BTG1: variants seen among roughly 807,000 people sequenced by gnomAD.
BTG1 encodes the protein protein BTG1.
A neutral mutation model predicts 15.2 loss-of-function variants in BTG1; 2 were observed. The observed-to-expected ratio is 0.13, with a 90% CI of 0.05 to 0.41. BTG1 has a LOEUF of 0.41. BTG1 is among the 10% of genes least tolerant of loss of function. The pLI is 0.99. For missense variants in BTG1, 149 were observed against 215.0 expected (o/e 0.69, Z 1.92); for synonymous variants, 109 against 82.4 (o/e 1.32, Z -1.75).
chr12:92,141,393 T>C lies in BTG1; in HGVS notation c.*2687A>G, dbSNP rs1398098828. On this transcript the variant is annotated 3_prime_UTR_variant, in exon 2 of 2. Coordinates refer to ENST00000256015, the MANE Select transcript of BTG1 (RefSeq NM_001731.3). ...GGGTAACTCTTGCTATACAATCCACTTGAAGCCTTGTTTCAACATTACAGA... is the reference window on the plus strand; with the variant it reads ...GGGTAACTCTTGCTATACAATCCACCTGAAGCCTTGTTTCAACATTACAGA... 8.6e-6 allele frequency: 2 copies of C among 232,100 alleles called. No individual in the cohort carries two copies. The highest frequency in any genetic ancestry group is 1.7e-5 in the Non-Finnish European group (2 of 117,422). 14.4% of individuals were successfully genotyped at this position (232,100 alleles called of 1,614,324 possible).
chr12:92,144,699 C>G (rs958709852), intron 1 of BTG1, among the ~76,000 whole-genome samples: 14 of 152,196 alleles, frequency 9.2e-5, no homozygotes, highest in Non-Finnish European at 1.8e-4. Flanking sequence ...AGGAATCAGG[C>G]GCGCAGCCTC....
Position 92,142,669 on chromosome 12 carries a change from A to G in BTG1, c.*1411T>C, listed in dbSNP as rs1034389255. 1 of 233,132 alleles carries G rather than the reference A, an allele frequency of 4.3e-6. No individual in the cohort carries two copies. The highest frequency in any genetic ancestry group is 8.5e-6 in the Non-Finnish European group (1 of 117,956). The allele number at this position is 233,132 out of a possible 1,614,324, so 14.4% of individuals were successfully genotyped here. On this transcript the variant is annotated 3_prime_UTR_variant, in exon 2 of 2. Transcript: ENST00000256015. ...ATCTTGCAGGTGATGAAAAGCAAAA[A>G]GCAACCAATCTCTCTGTGGTGTTTA...
In BTG1 at chr12:92,143,311, G is replaced by T. The variant is rs987877661; in HGVS notation, c.*769C>A. 5.6e-5 allele frequency: 13 copies of T among 232,872 alleles called. No homozygotes were observed. The highest frequency in any genetic ancestry group is 1.0e-4 in the Non-Finnish European group (12 of 117,626). 14.4% of individuals were successfully genotyped at this position (232,872 alleles called of 1,614,324 possible). A position where few individuals can be genotyped will look rare whatever the true frequency, so the allele number is the denominator to read the frequency against. The stretch of plus-strand genomic sequence containing the variant: ...AAAATAGATGGTGGTTTGTGGAAAA[G>T]ACTTTTACCCAATTAAGTACAAGGA... On this transcript the variant is annotated 3_prime_UTR_variant, in exon 2 of 2. Coordinates refer to ENST00000256015, the MANE Select transcript of BTG1 (RefSeq NM_001731.3).
Position 92,142,288 on chromosome 12 carries a change from C to A in BTG1, c.*1792G>T. ...AAAAGTTATTTGAGATTACTAATTTCAAGTAATTACTAATTTTATTTCAGA... is the reference window on the plus strand; with the variant it reads ...AAAAGTTATTTGAGATTACTAATTTAAAGTAATTACTAATTTTATTTCAGA... On this transcript the variant is annotated 3_prime_UTR_variant, in exon 2 of 2. Transcript: ENST00000256015. The A allele has an allele frequency of 4.3e-6, 1 of 230,858 alleles. No homozygotes were observed. 14.3% of individuals were successfully genotyped at this position (230,858 alleles called of 1,614,324 possible).
chr12:92,140,614 T>G lies in BTG1; in HGVS notation c.*3466A>C, dbSNP rs1007399809. 1 of 231,994 alleles carries G rather than the reference T, an allele frequency of 4.3e-6. No individual in the cohort carries two copies. Among genetic ancestry groups the G allele is most frequent in the Non-Finnish European group, 8.5e-6 (1 of 117,324 alleles). The allele number at this position is 231,994 out of a possible 1,614,324, so 14.4% of individuals were successfully genotyped here. ...TTAAGGACTCAGTTAAGCAGCTGGGTCGGCTGGTATTACAAACTATCTTAC... is the reference window on the plus strand; with the variant it reads ...TTAAGGACTCAGTTAAGCAGCTGGGGCGGCTGGTATTACAAACTATCTTAC... On this transcript the variant is annotated 3_prime_UTR_variant, in exon 2 of 2. Coordinates refer to ENST00000256015, the MANE Select transcript of BTG1 (RefSeq NM_001731.3).
Position 92,141,107 on chromosome 12 carries a change from C to T in BTG1, c.*2973G>A. ...CCTGGAAACCTGTAGTCATTAAACA[C>T]TAGCCATCGGGAATACGGCTTCCTT... On this transcript the variant is annotated 3_prime_UTR_variant, in exon 2 of 2. Transcript: ENST00000256015. 1 of 232,878 alleles carries T rather than the reference C, an allele frequency of 4.3e-6. No homozygotes were observed. The highest frequency in any genetic ancestry group is 8.5e-6 in the Non-Finnish European group (1 of 117,806). The allele number at this position is 232,878 out of a possible 1,614,324, so 14.4% of individuals were successfully genotyped here.
In BTG1 at chr12:92,143,131, T is replaced by C. The variant is rs1870361241; in HGVS notation, c.*949A>G. The C allele has an allele frequency of 8.6e-6, 2 of 232,762 alleles. No homozygotes were observed. Among genetic ancestry groups the C allele is most frequent in the South Asian group, 3.6e-4 (2 of 5,524 alleles). 14.4% of individuals were successfully genotyped at this position (232,762 alleles called of 1,614,324 possible). ...AATCATGACAAGAGATTGATTAAAATGCCAAGATAAGAAACGATTTATTAT... is the reference window on the plus strand; with the variant it reads ...AATCATGACAAGAGATTGATTAAAACGCCAAGATAAGAAACGATTTATTAT... On this transcript the variant is annotated 3_prime_UTR_variant, in exon 2 of 2. Transcript: ENST00000256015.
rs1389129938 is a variant in BTG1, at chr12:92,145,552, G to A, written c.-17C>T. The stretch of plus-strand genomic sequence containing the variant: ...GGGATGCATGGGGGCGGCGTGCGGG[G>A]GCGGCCCGGGGCGGCTGGGGCTCGG... On this transcript the variant is annotated 5_prime_UTR_variant, in exon 1 of 2. Coordinates refer to ENST00000256015, the MANE Select transcript of BTG1 (RefSeq NM_001731.3). 8.6e-6 allele frequency: 12 copies of A among 1,403,474 alleles called. No homozygotes were observed. The highest frequency in any genetic ancestry group is 1.1e-5 in the Non-Finnish European group (12 of 1,072,356). The allele number at this position is 1,403,474 out of a possible 1,614,324, so 86.9% of individuals were successfully genotyped here.
At position 92,143,051 on chromosome 12, in the gene BTG1, A is replaced by G. The variant is rs922023050; in HGVS notation, c.*1029T>C. 14 of 232,894 alleles carry G rather than the reference A, an allele frequency of 6.0e-5. No individual in the cohort carries two copies. The highest frequency in any genetic ancestry group is 2.9e-4 in the African/African-American group (13 of 45,454). 14.4% of individuals were successfully genotyped at this position (232,894 alleles called of 1,614,324 possible). ...CCAGCATGACCAGTGTGCAACAGAGATTCAGTTTATAGAACCTGTCTTCTA... is the reference window on the plus strand; with the variant it reads ...CCAGCATGACCAGTGTGCAACAGAGGTTCAGTTTATAGAACCTGTCTTCTA... On this transcript the variant is annotated 3_prime_UTR_variant, in exon 2 of 2. Transcript: ENST00000256015.
rs187402457 is a variant in BTG1 at position 92,141,965 on chromosome 12, C to G, written c.*2115G>C. The G allele has an allele frequency of 6.9e-4, 159 of 231,316 alleles. No homozygotes were observed. The highest frequency in any genetic ancestry group is 3.9e-3 in the Middle Eastern group (3 of 770). The allele number at this position is 231,316 out of a possible 1,614,324, so 14.3% of individuals were successfully genotyped here. A position where few individuals can be genotyped will look rare whatever the true frequency, so the allele number is the denominator to read the frequency against. On this transcript the variant is annotated 3_prime_UTR_variant, in exon 2 of 2. Transcript: ENST00000256015. ...TACCAGATGAAATGTAGTTGGTAAA[C>G]AACAGTAGTCAGCACTGGGGTGAGA...
chr12:92,140,975 C>A lies in BTG1; in HGVS notation c.*3105G>T, dbSNP rs1870177137. ...ATATGCAAAGTACAACTTCAGTTAT[C>A]ATACCTCTCTTCTGTAAAGAGGAAG... On this transcript the variant is annotated 3_prime_UTR_variant, in exon 2 of 2. Transcript: ENST00000256015. The A allele has an allele frequency of 8.6e-6, 2 of 232,622 alleles. No homozygotes were observed. The highest frequency in any genetic ancestry group is 4.4e-5 in the African/African-American group (2 of 45,280). 14.4% of individuals were successfully genotyped at this position (232,622 alleles called of 1,614,324 possible).
In BTG1 at chr12:92,143,339, G is replaced by A. The variant is rs1394198756; in HGVS notation, c.*741C>T. On this transcript the variant is annotated 3_prime_UTR_variant, in exon 2 of 2. Coordinates refer to ENST00000256015, the MANE Select transcript of BTG1 (RefSeq NM_001731.3). ...TTTTACCCAATTAAGTACAAGGAAAGTTACAAACCAGACCTCCACTTTCTA... is the reference window on the plus strand; with the variant it reads ...TTTTACCCAATTAAGTACAAGGAAAATTACAAACCAGACCTCCACTTTCTA... The A allele has an allele frequency of 4.3e-6, 1 of 232,928 alleles. No individual in the cohort carries two copies. The highest frequency in any genetic ancestry group is 8.5e-6 in the Non-Finnish European group (1 of 117,660). The allele number at this position is 232,928 out of a possible 1,614,324, so 14.4% of individuals were successfully genotyped here. A position where few individuals can be genotyped will look rare whatever the true frequency, so the allele number is the denominator to read the frequency against.
rs1592655919 is a variant in BTG1 at position 92,142,100 on chromosome 12, G to C, written c.*1980C>G. 1 of 231,900 alleles carries C rather than the reference G, an allele frequency of 4.3e-6. No homozygotes were observed. Among genetic ancestry groups the C allele is most frequent in the South Asian group, 1.8e-4 (1 of 5,514 alleles). The allele number at this position is 231,900 out of a possible 1,614,324, so 14.4% of individuals were successfully genotyped here. On this transcript the variant is annotated 3_prime_UTR_variant, in exon 2 of 2. Transcript: ENST00000256015. ...AAATAAAACCATAACAATTGGCAAGGGTAGTCCATGTGTTGCGGGTCTACG... is the reference window on the plus strand; with the variant it reads ...AAATAAAACCATAACAATTGGCAAGCGTAGTCCATGTGTTGCGGGTCTACG...
chr12:92,145,361 T>G, intron 1 of BTG1, 27 bp downstream of exon 1: 1 of 1,522,792 alleles, frequency 6.6e-7, no homozygotes, highest in Non-Finnish European at 8.8e-7. Flanking sequence ...GGGGCCCGCG[T>G]CCCTCCGACG....
Position 92,145,661 on chromosome 12 carries a change from G to T in BTG1, c.-126C>A. ...AGAGGAAGAGAGGGCGTGAGGGGCG[G>T]ACGACTACTTTTGTCTTTCTTTCTT... On this transcript the variant is annotated 5_prime_UTR_variant, in exon 1 of 2. Coordinates refer to ENST00000256015, the MANE Select transcript of BTG1 (RefSeq NM_001731.3). The T allele has an allele frequency of 3.5e-6, 2 of 566,940 alleles. No homozygotes were observed. 35.1% of individuals were successfully genotyped at this position (566,940 alleles called of 1,614,324 possible).
At chr12:92,144,931 G>A (rs1392119118) in intron 1 of BTG1, 2 of 199,422 alleles carry the variant, frequency 1.0e-5, no homozygotes, top group African/African-American at 4.8e-5. Context: ...GCAGGGGCAG[G>A]AGGCGCGGGG....
chr12:92,142,123 A>C lies in BTG1; in HGVS notation c.*1957T>G, dbSNP rs889458322. 4.3e-6 allele frequency: 1 copy of C among 232,224 alleles called. No homozygotes were observed. The highest frequency in any genetic ancestry group is 6.1e-5 in the East Asian group (1 of 16,402). 14.4% of individuals were successfully genotyped at this position (232,224 alleles called of 1,614,324 possible). A position where few individuals can be genotyped will look rare whatever the true frequency, so the allele number is the denominator to read the frequency against. ...AGGGTAGTCCATGTGTTGCGGGTCTACGAATTCTAACTCTCGAGAATGGTG... is the reference window on the plus strand; with the variant it reads ...AGGGTAGTCCATGTGTTGCGGGTCTCCGAATTCTAACTCTCGAGAATGGTG... On this transcript the variant is annotated 3_prime_UTR_variant, in exon 2 of 2. Transcript: ENST00000256015.
In BTG1 at chr12:92,141,153, T is replaced by C. The variant is rs1454781632; in HGVS notation, c.*2927A>G. On this transcript the variant is annotated 3_prime_UTR_variant, in exon 2 of 2. Coordinates refer to ENST00000256015, the MANE Select transcript of BTG1 (RefSeq NM_001731.3). ...TCCTTCCTTTTAACTTGAAGGCCAA[T>C]TTCATAAACTGCAACACCTATACAA... 2 of 232,684 alleles carry C rather than the reference T, an allele frequency of 8.6e-6. No homozygotes were observed. Among genetic ancestry groups the C allele is most frequent in the Non-Finnish European group, 1.7e-5 (2 of 117,756 alleles). The allele number at this position is 232,684 out of a possible 1,614,324, so 14.4% of individuals were successfully genotyped here.
Position 92,144,352 on chromosome 12 carries a change from G to T in BTG1, c.244C>A (p.Gln82Lys), listed in dbSNP as rs1592657353. The T allele has an allele frequency of 6.2e-7, 1 of 1,614,222 alleles. No homozygotes were observed. The highest frequency in any genetic ancestry group is 2.2e-5 in the East Asian group (1 of 44,890). The change falls in exon 2 of 2, where the codon CAG becomes AAG. Residue 82 changes from glutamine (Q) to lysine (K), a missense_variant. Transcript: ENST00000256015. Reference protein sequence around the residue: ...INHKMDPLIGQAAQRIGLSSQ... With the variant: ...INHKMDPLIGKAAQRIGLSSQ... The stretch of plus-strand genomic sequence containing the variant: ...CTCAGTCCAATCCGCTGTGCTGCCT[G>T]TCCAATCAGAGGATCCATTTTATGG...
Sources: allele counts gnomAD v4.1 joint callset (sites outside exome capture counted in the v4.1 genomes callset), GRCh38; gene constraint gnomAD v4.1.1; transcripts MANE v1.5; gene names NCBI Gene and HGNC (gene_info 2026-07-23, HGNC 2026-07-21).